Variants in HEXB observed in about 807,000 individuals in gnomAD.
The protein encoded by HEXB is hexosaminidase subunit beta.
In HEXB, 51 loss-of-function variants were observed where a neutral mutation model predicts 71.2. The observed-to-expected ratio is 0.72, with a 90% CI of 0.57 to 0.90. The LOEUF (loss-of-function observed/expected upper bound fraction) is 0.90, where lower values mean the gene tolerates loss of function less well. HEXB is among the 40% of genes least tolerant of loss of function. HEXB has a pLI of 0.00. For missense variants in HEXB, 617 were observed against 677.0 expected (o/e 0.91, Z 0.98); for synonymous variants, 266 against 249.3 (o/e 1.07, Z -0.63).
chr5:74,670,491 A>G (rs758435371), intron 1 of HEXB, among the ~76,000 whole-genome samples: 1 of 152,172 alleles, frequency 6.6e-6, no homozygotes, highest in Non-Finnish European at 1.5e-5. Flanking sequence ...CCAAATGCGA[A>G]TACACAGAAG....
chr5:74,720,866 A>T (rs1561229527), intron 13 of HEXB, 119 bp downstream of exon 13: 3 of 900,428 alleles, frequency 3.3e-6, no homozygotes, highest in East Asian at 2.6e-5. Flanking sequence ...ACCAGGAATT[A>T]TTTTTTTGTA....
At chr5:74,655,338 A>G (rs983793463) in intron 1 of HEXB, among the ~76,000 whole-genome samples, 3 of 140,402 alleles carry the variant, frequency 2.1e-5, no homozygotes, top group Admixed American at 7.4e-5. Context: ...TTTTTGAGAC[A>G]GGATCTCGCT....
Position 74,650,925 on chromosome 5 carries a change from C to CAAAAA in HEXB, c.-377+10384_-377+10388dup, listed in dbSNP as rs34224491. Among the ~76,000 whole-genome samples the CAAAAA allele has an allele frequency of 2.8e-3, 263 of 95,466 alleles. 2 individuals are homozygous for CAAAAA. The highest frequency in any genetic ancestry group is 9.6e-3 in the African/African-American group (241 of 25,084). The allele number at this position is 95,466 out of a possible 152,430, so 62.6% of individuals were successfully genotyped here. On this transcript the variant is annotated intron_variant, in intron 1 of 13. Transcript: ENST00000511181. ...TGGGCAACAGCGTGAGACTCTGTCT[C>CAAAAA]AAAAAAAAAAAAAAAAAAAAAGGCA...
rs1748848918 is a variant in HEXB at position 74,685,616 on chromosome 5, C to T, written c.299+57C>T. 5.4e-6 allele frequency: 8 copies of T among 1,475,002 alleles called. No individual in the cohort carries two copies. The African/African-American group carries it at 5.7e-5, about 11-fold the overall frequency. The allele number at this position is 1,475,002 out of a possible 1,614,324, so 91.4% of individuals were successfully genotyped here. A position where few individuals can be genotyped will look rare whatever the true frequency, so the allele number is the denominator to read the frequency against. ...CTGGGGGAGGGGAGAGGCGGACCAC[C>T]CCGGAGCGCTGTGCAGACCCTCACC... On this transcript the variant is annotated intron_variant, in intron 1 of 13. Coordinates refer to ENST00000261416, the MANE Select transcript of HEXB (RefSeq NM_000521.4).
At chr5:74,674,068 T>C (rs1748586569) in intron 1 of HEXB, among the ~76,000 whole-genome samples, 2 of 152,038 alleles carry the variant, frequency 1.3e-5, no homozygotes, top group South Asian at 4.2e-4. Context: ...AATATTTCAT[T>C]TGTATAGGTG....
chr5:74,650,427 G>A (rs1450742507), intron 1 of HEXB, among the ~76,000 whole-genome samples: 1 of 152,108 alleles, frequency 6.6e-6, no homozygotes, highest in Non-Finnish European at 1.5e-5. Context: ...TGATAAACAT[G>A]AACTAACAGT....
At position 74,720,501 on chromosome 5, in the gene HEXB, C is replaced by T. The variant is rs1749803789; in HGVS notation, c.1491C>T (p.Asn497=). 6.2e-7 allele frequency: 1 copy of T among 1,612,636 alleles called. No homozygotes were observed. Among genetic ancestry groups the T allele is most frequent in the Non-Finnish European group, 8.5e-7 (1 of 1,178,634 alleles). The change falls in exon 12 of 14, where the codon AAC becomes AAT. Residue 497 remains asparagine, a synonymous_variant. Coordinates refer to ENST00000261416, the MANE Select transcript of HEXB (RefSeq NM_000521.4). The stretch of plus-strand genomic sequence containing the variant: ...GGGGAGAATATGTGGATGCAACTAA[C>T]CTCACTCCAAGATTATGGTATGGGA... ...CLWGEYVDAT[N]LTPRLWPRAS... is the part of the protein sequence containing the mutation.
chr5:74,660,853 G>C (rs2112087916), intron 1 of HEXB, among the ~76,000 whole-genome samples: 1 of 152,310 alleles, frequency 6.6e-6, no homozygotes, highest in Admixed American at 6.5e-5. Flanking sequence ...GAAGAACCAA[G>C]CTAAGCCAGA....
chr5:74,656,296 TG>T (rs1367438689), intron 1 of HEXB, among the ~76,000 whole-genome samples: 1 of 151,878 alleles, frequency 6.6e-6, no homozygotes, highest in Non-Finnish European at 1.5e-5. Flanking sequence ...CTGGCCAACA[TG>T]GTGAAACTCC....
chr5:74,720,377 T>C (rs1277167738), intron 11 of HEXB, 51 bp from the exon 12 acceptor site: 2 of 1,261,194 alleles, frequency 1.6e-6, no homozygotes, highest in Non-Finnish European at 2.3e-6. Flanking sequence ...AAATATTGCC[T>C]CTGTGTATAA....
At chr5:74,686,069 C>T (rs1054052458) in intron 1 of HEXB, among the ~76,000 whole-genome samples, 3 of 152,234 alleles carry the variant, frequency 2.0e-5, no homozygotes, top group Admixed American at 6.5e-5. Context: ...CCTAAAACTG[C>T]CCTCTCTCCT....
chr5:74,661,559 G>C (rs200442844), intron 1 of HEXB, among the ~76,000 whole-genome samples: 43,059 of 134,344 alleles, frequency 0.32, 7,933 homozygotes, highest in African/African-American at 0.54. Flanking sequence ...GTGTGTGTGT[G>C]TGTGTCTCTC....
At chr5:74,661,032 TAG>T (rs1049440167) in intron 1 of HEXB, among the ~76,000 whole-genome samples, 9 of 146,004 alleles carry the variant, frequency 6.2e-5, no homozygotes, top group East Asian at 4.1e-4. Flanking sequence ...GAGAGAGAGA[TAG>T]AGAGAGAGAG....
chr5:74,719,101 T>G, intron 11 of HEXB, 130 bp downstream of exon 11: 1 of 795,144 alleles, frequency 1.3e-6, no homozygotes, highest in Admixed American at 2.0e-5. Context: ...TACCTAGATA[T>G]TACCTACCAA....
At chr5:74,698,836 G>T (rs1325743410) in intron 5 of HEXB, among the ~76,000 whole-genome samples, 1 of 152,074 alleles carries the variant, frequency 6.6e-6, no homozygotes, top group East Asian at 1.9e-4. Context: ...AATTTCATTT[G>T]CCAAAGATTG....
intron 5 of HEXB, among the ~76,000 whole-genome samples, chr5:74,698,301 T>C (rs1407876496): frequency 6.6e-6 from 1 of 151,870 alleles, no homozygotes; most frequent in African/African-American, 2.4e-5. Context: ...CTCGAACTCC[T>C]GACCTCAGGT....
chr5:74,717,500 A>G (rs1331827538), intron 9 of HEXB, among the ~76,000 whole-genome samples: 3 of 151,766 alleles, frequency 2.0e-5, no homozygotes, highest in Non-Finnish European at 2.9e-5. Context: ...ATATATACAC[A>G]TTTCCATCCC....
At chr5:74,715,146 G>GGACTA (rs1409522167) in intron 7 of HEXB, among the ~76,000 whole-genome samples, 2 of 152,224 alleles carry the variant, frequency 1.3e-5, no homozygotes, top group Non-Finnish European at 2.9e-5. Context: ...CTTAAGGACT[G>GGACTA]CAGATGTTGT....
chr5:74,696,076 T>C (rs1749107447), intron 3 of HEXB, among the ~76,000 whole-genome samples: 1 of 152,150 alleles, frequency 6.6e-6, no homozygotes, highest in South Asian at 2.1e-4. Flanking sequence ...ACTGAACTGT[T>C]CTTAGGTTAA....
Sources: allele counts gnomAD v4.1 joint callset (sites outside exome capture counted in the v4.1 genomes callset), GRCh38; gene constraint gnomAD v4.1.1; transcripts MANE v1.5; gene names NCBI Gene and HGNC (gene_info 2026-07-23, HGNC 2026-07-21).